The following NEK11 variants were observed in gnomAD, a reference collection of about 807,000 sequenced individuals.
NEK11 encodes serine/threonine-protein kinase Nek11.
A neutral mutation model predicts 80.7 loss-of-function variants in NEK11; 72 were observed. That is an observed-to-expected ratio of 0.89 (90% confidence interval 0.74 to 1.08). The LOEUF is 1.08. Ranked by LOEUF, NEK11 falls within the 50% of genes least tolerant of loss-of-function variation. The pLI, the probability that NEK11 is intolerant of heterozygous loss-of-function variation, is 0.00. For missense variants in NEK11, 764 were observed against 763.6 expected, an observed-to-expected ratio of 1.00 and a Z score of -0.01; for synonymous variants, 251 against 260.7, an observed-to-expected ratio of 0.96 and a Z score of 0.36.
At chr3:131,317,876 C>T (rs2096860336) in intron 17 of NEK11, among the ~76,000 whole-genome samples, 1 of 101,332 alleles carries the variant, frequency 9.9e-6, no homozygotes. Context: ...CTACTGCAGA[C>T]CTCATTTTTA....
chr3:131,336,685 T>G, intron 17 of NEK11, among the ~76,000 whole-genome samples: 1 of 152,074 alleles, frequency 6.6e-6, no homozygotes, highest in East Asian at 1.9e-4. Flanking sequence ...ACAGGCAACC[T>G]ACAAAATAGG....
At chr3:131,156,982 G>C (rs141548671) in intron 10 of NEK11, among the ~76,000 whole-genome samples, 4 of 151,914 alleles carry the variant, frequency 2.6e-5, no homozygotes, top group Admixed American at 1.3e-4. Context: ...TATTCACAGG[G>C]ATCTGCTGGG....
chr3:131,141,075 A>C (rs545293198), intron 7 of NEK11, among the ~76,000 whole-genome samples: 1 of 152,262 alleles, frequency 6.6e-6, no homozygotes, highest in East Asian at 1.9e-4. Flanking sequence ...TTTGTAAATT[A>C]GGGCTTCTCC....
At chr3:131,143,468 AATT>A (rs1259568034) in intron 7 of NEK11, among the ~76,000 whole-genome samples, 1 of 151,958 alleles carries the variant, frequency 6.6e-6, no homozygotes, top group Non-Finnish European at 1.5e-5. Context: ...CTTTATAATA[AATT>A]ATTATTAAAT....
intron 14 of NEK11, among the ~76,000 whole-genome samples, chr3:131,226,649 G>A (rs1172163276): frequency 6.6e-6 from 1 of 152,126 alleles, no homozygotes; most frequent in Non-Finnish European, 1.5e-5. Flanking sequence ...GGCATGCAGA[G>A]TGGGATAATG....
At chr3:131,062,801 A>G (rs2071136378) in intron 3 of NEK11, among the ~76,000 whole-genome samples, 1 of 152,176 alleles carries the variant, frequency 6.6e-6, no homozygotes, top group Admixed American at 6.5e-5. Flanking sequence ...CAAGGAGGAA[A>G]GGAACCACCA....
chr3:131,224,326 C>T (rs574525577), intron 14 of NEK11, among the ~76,000 whole-genome samples: 1 of 152,182 alleles, frequency 6.6e-6, no homozygotes, highest in South Asian at 2.1e-4. Context: ...CTTCCAGGCT[C>T]AAGTGATCCT....
At chr3:131,212,366 C>A (rs1218452241) in intron 14 of NEK11, among the ~76,000 whole-genome samples, 2 of 152,182 alleles carry the variant, frequency 1.3e-5, no homozygotes, top group African/African-American at 4.8e-5. Context: ...AGCTTCGTCT[C>A]AGAGGGGCAC....
At chr3:131,226,814 C>A (rs1337120452) in intron 14 of NEK11, among the ~76,000 whole-genome samples, 1 of 151,920 alleles carries the variant, frequency 6.6e-6, no homozygotes, top group Non-Finnish European at 1.5e-5. Flanking sequence ...CACTTGTATG[C>A]AAAAGGTATT....
chr3:131,246,178 T>TTTATGAGA (rs2095600015), intron 16 of NEK11, among the ~76,000 whole-genome samples: 1 of 152,098 alleles, frequency 6.6e-6, no homozygotes, highest in Non-Finnish European at 1.5e-5. Flanking sequence ...TTAATGGCAA[T>TTTATGAGA]TTATGAGATT....
intron 17 of NEK11, among the ~76,000 whole-genome samples, chr3:131,335,170 A>C (rs2097160764): frequency 6.6e-6 from 1 of 152,232 alleles, no homozygotes; most frequent in Non-Finnish European, 1.5e-5. Flanking sequence ...CAACCAAAAA[A>C]GAGAATTTAA....
chr3:131,309,692 C>G (rs757530508), intron 17 of NEK11, among the ~76,000 whole-genome samples: 4 of 151,392 alleles, frequency 2.6e-5, no homozygotes, highest in Non-Finnish European at 4.4e-5. Flanking sequence ...TGCCAGACAG[C>G]CTGAAGAATT....
chr3:131,344,902 C>G (rs187390210), intron 17 of NEK11, among the ~76,000 whole-genome samples: 63 of 152,292 alleles, frequency 4.1e-4, no homozygotes, highest in Non-Finnish European at 6.9e-4. Context: ...CAGGCCCCAC[C>G]GCCAACAGTG....
intron 10 of NEK11, 122 bp from the exon 11 acceptor site, chr3:131,162,286 C>T: frequency 1.6e-6 from 2 of 1,226,376 alleles, no homozygotes; most frequent in Non-Finnish European, 2.2e-6. Flanking sequence ...TTAGTTTTTG[C>T]CTGGCCTGTC....
chr3:131,123,519 A>G (rs1464852661), intron 5 of NEK11, among the ~76,000 whole-genome samples: 5 of 152,198 alleles, frequency 3.3e-5, no homozygotes, highest in Non-Finnish European at 5.9e-5. Flanking sequence ...GGTTTGTTGC[A>G]TAGAATTTAT....
intron 15 of NEK11, among the ~76,000 whole-genome samples, 153 bp from the exon 16 acceptor site, chr3:131,243,283 A>G (rs1176903600): frequency 1.3e-5 from 2 of 152,162 alleles, no homozygotes; most frequent in Non-Finnish European, 2.9e-5. Context: ...AGATATACAT[A>G]AAGTTATTTT....
At chr3:131,224,056 A>T (rs1177840703) in intron 14 of NEK11, among the ~76,000 whole-genome samples, 2 of 152,140 alleles carry the variant, frequency 1.3e-5, no homozygotes, top group Non-Finnish European at 2.9e-5. Context: ...AAAATTCCCA[A>T]CACCTAGTGC....
chr3:131,168,567 A>G (rs1043089705), intron 12 of NEK11, among the ~76,000 whole-genome samples: 27 of 151,240 alleles, frequency 1.8e-4, no homozygotes, highest in Admixed American at 6.6e-4. Context: ...CGTTTTAGCC[A>G]GGATGGTCTC....
intron 3 of NEK11, among the ~76,000 whole-genome samples, chr3:131,074,764 C>A (rs1419618227): frequency 1.3e-5 from 2 of 152,136 alleles, no homozygotes; most frequent in Non-Finnish European, 2.9e-5. Flanking sequence ...AAGCTCTAGA[C>A]CGTGGATTTT....
Sources: allele counts gnomAD v4.1 joint callset (sites outside exome capture counted in the v4.1 genomes callset), GRCh38; gene constraint gnomAD v4.1.1; transcripts MANE v1.5; gene names NCBI Gene and HGNC (gene_info 2026-07-23, HGNC 2026-07-21).